Variants in COG5 observed in about 807,000 individuals in gnomAD.
COG5 encodes the protein conserved oligomeric Golgi complex subunit 5.
In COG5, 86 loss-of-function variants were observed where a neutral mutation model predicts 110.4. The ratio of observed to expected loss-of-function variants is 0.78; its 90% CI spans 0.65 to 0.93. The LOEUF (loss-of-function observed/expected upper bound fraction) is 0.93. Among genes scored for constraint, COG5 ranks in the 40% least tolerant of loss-of-function variants. The pLI, the probability that COG5 is intolerant of heterozygous loss-of-function variation, is 0.00. For missense variants in COG5, 1,077 were observed against 987.0 expected (o/e 1.09, Z -1.22); for synonymous variants, 360 against 334.6 (o/e 1.08, Z -0.83).
chr7:107,203,424 T>A lies in COG5; in HGVS notation c.*92A>T. 1 of 833,232 alleles carries A rather than the reference T, an allele frequency of 1.2e-6. No homozygotes were observed. Among genetic ancestry groups the A allele is most frequent in the Admixed American group, 1.7e-5 (1 of 57,428 alleles). The allele number at this position is 833,232 out of a possible 1,614,324, so 51.6% of individuals were successfully genotyped here. On this transcript the variant is annotated 3_prime_UTR_variant, in exon 22 of 22. Coordinates refer to ENST00000297135, the MANE Select transcript of COG5 (RefSeq NM_006348.5). ...CGAACAATCAATTACATTCTTAAAA[T>A]AGTAGATAGTAGCAGTCTTTTGGAG...
rs544616477 is a variant in COG5 at position 107,428,188 on chromosome 7, G to C, written c.539-15556C>G. Among the ~76,000 whole-genome samples, 8 of 152,250 alleles carry C rather than the reference G, an allele frequency of 5.3e-5. No individual in the cohort carries two copies. In the South Asian group the frequency reaches 1.5e-3, roughly 28 times the overall value. On this transcript the variant is annotated intron_variant, in intron 6 of 21. Transcript: ENST00000297135. ...TATGCGGATTTATATAAGACTTGTAGGTTGGCCTTCACACTTTAAATTGTC... is the reference window on the plus strand; with the variant it reads ...TATGCGGATTTATATAAGACTTGTACGTTGGCCTTCACACTTTAAATTGTC...
intron 3 of COG5, among the ~76,000 whole-genome samples, chr7:107,548,953 T>A (rs191587763): frequency 2.6e-4 from 40 of 152,344 alleles, no homozygotes; most frequent in Non-Finnish European, 4.4e-4. Context: ...TCAGTTTCTA[T>A]ATCCAACTGG....
At chr7:107,523,659 AC>A (rs1370422864) in intron 6 of COG5, among the ~76,000 whole-genome samples, 3 of 152,132 alleles carry the variant, frequency 2.0e-5, no homozygotes, top group Non-Finnish European at 4.4e-5. Flanking sequence ...TACTAAATAT[AC>A]AAAAATTAGC....
intron 10 of COG5, among the ~76,000 whole-genome samples, chr7:107,361,441 T>C (rs1351345632): frequency 6.6e-6 from 1 of 152,214 alleles, no homozygotes. Flanking sequence ...TTAAAGCACT[T>C]ATAAGCTGTC....
rs6972462 is a variant in COG5 at position 107,508,592 on chromosome 7, T to C, written c.538+18645A>G. ...TGGGCAGACTGCCTCCTCAAGTGGG[T>C]CCGTGACCCCCGAGCAGCCTAACTG... On this transcript the variant is annotated intron_variant, in intron 6 of 21. Transcript: ENST00000297135. Among the ~76,000 whole-genome samples, 1,362 of 152,252 alleles carry C rather than the reference T, an allele frequency of 8.9e-3. 19 individuals are homozygous for C. Among genetic ancestry groups the C allele is most frequent in the African/African-American group, 0.029 (1,194 of 41,542 alleles).
chr7:107,372,908 C>T (rs1297306748), intron 7 of COG5, 148 bp from the exon 8 acceptor site: 2 of 729,660 alleles, frequency 2.7e-6, no homozygotes, highest in Admixed American at 6.0e-5. Flanking sequence ...CAAGAAAAAA[C>T]ACATTTTGAA....
intron 11 of COG5, among the ~76,000 whole-genome samples, chr7:107,315,984 G>A (rs1334487649): frequency 6.6e-6 from 1 of 152,122 alleles, no homozygotes; most frequent in Non-Finnish European, 1.5e-5. Flanking sequence ...GATAAGAACT[G>A]AAAACATACG....
intron 6 of COG5, among the ~76,000 whole-genome samples, chr7:107,455,308 T>C (rs1476074037): frequency 6.6e-6 from 1 of 152,200 alleles, no homozygotes; most frequent in African/African-American, 2.4e-5. Flanking sequence ...CATGCATCTA[T>C]CTTCCCTCAA....
intron 6 of COG5, among the ~76,000 whole-genome samples, chr7:107,512,760 G>T (rs1208447966): frequency 6.6e-6 from 1 of 152,088 alleles, no homozygotes; most frequent in Admixed American, 6.5e-5. Flanking sequence ...ACAACCATCT[G>T]ATCTTTGACA....
chr7:107,296,581 C>A (rs904902831), intron 12 of COG5, among the ~76,000 whole-genome samples: 4 of 123,514 alleles, frequency 3.2e-5, no homozygotes, highest in Non-Finnish European at 6.6e-5. Context: ...CAAAACTACT[C>A]TTTTTTTTTT....
chr7:107,288,520 T>C (rs909234001), intron 12 of COG5, among the ~76,000 whole-genome samples: 2 of 152,152 alleles, frequency 1.3e-5, no homozygotes, highest in Admixed American at 6.5e-5. Context: ...GGGCGTGACA[T>C]AGTGGTTCTG....
At chr7:107,443,684 C>T (rs1794851264) in intron 6 of COG5, among the ~76,000 whole-genome samples, 1 of 151,930 alleles carries the variant, frequency 6.6e-6, no homozygotes, top group Admixed American at 6.6e-5. Context: ...TTGTTAAAAT[C>T]CTAGTCTTAA....
intron 17 of COG5, among the ~76,000 whole-genome samples, chr7:107,238,282 ATGTTCT>A (rs1801352974): frequency 6.6e-6 from 1 of 152,118 alleles, no homozygotes; most frequent in African/African-American, 2.4e-5. Context: ...ACTTAGCATA[ATGTTCT>A]GTAGGTTCAT....
At chr7:107,492,572 C>A (rs1363163435) in intron 6 of COG5, among the ~76,000 whole-genome samples, 1 of 152,110 alleles carries the variant, frequency 6.6e-6, no homozygotes, top group Admixed American at 6.6e-5. Flanking sequence ...CACTTCCTTG[C>A]AGGCTATCAG....
intron 6 of COG5, among the ~76,000 whole-genome samples, chr7:107,509,692 C>T (rs190401330): frequency 0.13 from 19,099 of 151,728 alleles, 1,497 homozygotes; most frequent in Non-Finnish European, 0.17. Flanking sequence ...AGACTAACAG[C>T]GGATCTCTCG....
In COG5 at chr7:107,382,498, C is replaced by T. The variant is rs1367756565; in HGVS notation, c.670-9738G>A. On this transcript the variant is annotated intron_variant, in intron 7 of 21. Coordinates refer to ENST00000297135, the MANE Select transcript of COG5 (RefSeq NM_006348.5). ...TTACCTAGGCTGGAGTGCAATGGCA[C>T]GATCTCAACTCACTGCAATCTCTGC... is the stretch of plus-strand genomic sequence containing the variant. Among the ~76,000 whole-genome samples, 5 of 152,138 alleles carry T rather than the reference C, an allele frequency of 3.3e-5. No individual in the cohort carries two copies. The South Asian group carries it at 8.3e-4, about 25-fold the overall frequency.
chr7:107,321,462 A>C (rs1196218901), intron 11 of COG5, among the ~76,000 whole-genome samples: 1 of 152,176 alleles, frequency 6.6e-6, no homozygotes, highest in Admixed American at 6.5e-5. Context: ...TCTGAAACAC[A>C]TATGGAAATG....
At chr7:107,323,591 T>A (rs549119514) in intron 11 of COG5, among the ~76,000 whole-genome samples, 1 of 152,146 alleles carries the variant, frequency 6.6e-6, no homozygotes, top group Non-Finnish European at 1.5e-5. Context: ...TGGATCCTAA[T>A]ATCCCATTAG....
At chr7:107,300,244 T>C (rs1030460950) in intron 11 of COG5, among the ~76,000 whole-genome samples, 2 of 152,086 alleles carry the variant, frequency 1.3e-5, no homozygotes, top group Admixed American at 6.6e-5. Context: ...AGAGAATAAG[T>C]AATACTTTTG....
Sources: allele counts gnomAD v4.1 joint callset (sites outside exome capture counted in the v4.1 genomes callset), GRCh38; gene constraint gnomAD v4.1.1; transcripts MANE v1.5; gene names NCBI Gene and HGNC (gene_info 2026-07-23, HGNC 2026-07-21).